Variants in THOC2 observed in about 807,000 individuals in gnomAD.
THOC2 encodes THO complex subunit 2.
In THOC2, 10 loss-of-function variants were observed where a neutral mutation model predicts 128.4. That is an observed-to-expected ratio of 0.08 (90% confidence interval 0.05 to 0.13). The LOEUF (loss-of-function observed/expected upper bound fraction) is 0.13, where lower values mean the gene tolerates loss of function less well. Ranked by LOEUF, THOC2 falls within the 10% of genes least tolerant of loss-of-function variation. The pLI is 1.00. For missense variants in THOC2, 535 were observed against 1,155.7 expected (o/e 0.46, Z 7.79); for synonymous variants, 393 against 396.9 (o/e 0.99, Z 0.12).
intron 12 of THOC2, among the ~76,000 whole-genome samples, chrX:123,653,246 C>T (rs751229686): frequency 4.6e-4 from 51 of 112,061 alleles, no homozygotes; most frequent in Non-Finnish European, 8.5e-4. Context: ...TGGACCCCTT[C>T]CTTACACCAT....
chrX:123,629,206 A>AACACACAC (rs754562050), intron 22 of THOC2, among the ~76,000 whole-genome samples: 6,985 of 81,831 alleles, frequency 0.085, 406 homozygotes, highest in East Asian at 0.35. Context: ...ATTATACATG[A>AACACACAC]ACACACACAC....
At chrX:123,725,509 G>A (rs1339685213) in intron 1 of THOC2, among the ~76,000 whole-genome samples, 1 of 105,482 alleles carries the variant, frequency 9.5e-6, no homozygotes, top group Admixed American at 1.0e-4. Flanking sequence ...GGGAGGTTGA[G>A]CTGGGAGGAT....
intron 12 of THOC2, among the ~76,000 whole-genome samples, chrX:123,663,548 A>AC (rs2048924417): frequency 9.1e-6 from 1 of 109,862 alleles, no homozygotes; most frequent in African/African-American, 3.3e-5. Flanking sequence ...TAAAAAAAAA[A>AC]AGCATAAATG....
At chrX:123,732,897 A>G in intron 1 of THOC2, 55 bp downstream of exon 1, 1 of 1,126,728 alleles carries the variant, frequency 8.9e-7, no homozygotes, top group East Asian at 3.0e-5. Context: ...GTGAGAGTGC[A>G]GCTGACGCCC....
intron 1 of THOC2, among the ~76,000 whole-genome samples, chrX:123,727,212 C>CA (rs1033980191): frequency 9.3e-6 from 1 of 107,879 alleles, no homozygotes; most frequent in Non-Finnish European, 1.9e-5. Context: ...GACCCTGTCT[C>CA]AAAAAAAACT....
intron 3 of THOC2, among the ~76,000 whole-genome samples, chrX:123,705,707 T>A (rs1392708605): frequency 2.7e-5 from 3 of 109,823 alleles, no homozygotes; most frequent in African/African-American, 9.9e-5. Context: ...TCCTTAAGAC[T>A]ATCCCTGGGA....
At chrX:123,623,026 G>T in intron 29 of THOC2, 79 bp downstream of exon 29, 1 of 1,013,212 alleles carries the variant, frequency 9.9e-7, no homozygotes, top group Non-Finnish European at 1.3e-6. Flanking sequence ...AGCCAGCATT[G>T]TACTCGTTCT....
Position 123,614,039 on chromosome X carries a change from A to G in THOC2, c.4449+13T>C. 1 of 1,195,141 alleles carries G rather than the reference A, an allele frequency of 8.4e-7. No individual in the cohort carries two copies. The highest frequency in any genetic ancestry group is 2.2e-5 in the Admixed American group (1 of 44,592). On this transcript the variant is annotated intron_variant, in intron 34 of 38. Transcript: ENST00000245838. ...TGAGCTTTCCAAACTAGTTTAAAAA[A>G]AATTTTACAAACCCTTTTCCGCTCT... is the stretch of plus-strand genomic sequence containing the variant.
At chrX:123,663,148 T>C (rs752944692) in intron 12 of THOC2, among the ~76,000 whole-genome samples, 4 of 111,692 alleles carry the variant, frequency 3.6e-5, no homozygotes, top group African/African-American at 9.8e-5. Context: ...TGCAGGAATA[T>C]TGAAAGCAGC....
Position 123,628,017 on chromosome X carries a change from T to C in THOC2, c.2482-49A>G, listed in dbSNP as rs149531907. The C allele has an allele frequency of 1.0e-2, 9,921 of 996,459 alleles. 45 individuals are homozygous for C. Among genetic ancestry groups the C allele is most frequent in the Non-Finnish European group, 0.012 (9,034 of 728,300 alleles). The allele number at this position is 996,459 out of a possible 1,213,427, so 82.1% of individuals were successfully genotyped here. A position where few individuals can be genotyped will look rare whatever the true frequency, so the allele number is the denominator to read the frequency against. ...ATACATACATACACACACAACATAATTTATAGCTTTGACTTTCATGGCATA... is the reference window on the plus strand; with the variant it reads ...ATACATACATACACACACAACATAACTTATAGCTTTGACTTTCATGGCATA... On this transcript the variant is annotated intron_variant, in intron 22 of 38. Transcript: ENST00000245838.
In THOC2 at chrX:123,667,183, G is replaced by A. The variant is rs2049082570; in HGVS notation, c.1113C>T (p.Tyr371=). ...CTATTAGCTTGTGTGAAGCTGCATA[G>A]TATGGAGGCATCTGATCCATAATGT... ...AQNIMDQMPP[Y]YAASHKLIAL... The change falls in exon 11 of 39, where the codon TAC becomes TAT. Residue 371 remains tyrosine, a synonymous_variant. Transcript: ENST00000245838. 3.3e-6 allele frequency: 4 copies of A among 1,205,092 alleles called. No individual in the cohort carries two copies. Among genetic ancestry groups the A allele is most frequent in the Non-Finnish European group, 4.5e-6 (4 of 889,897 alleles).
intron 1 of THOC2, among the ~76,000 whole-genome samples, chrX:123,717,837 A>T (rs762425541): frequency 8.9e-6 from 1 of 112,366 alleles, no homozygotes; most frequent in African/African-American, 3.2e-5. Flanking sequence ...CACACACCAA[A>T]TTCACAGATG....
chrX:123,684,917 A>G (rs1245238529), intron 8 of THOC2, among the ~76,000 whole-genome samples: 1 of 112,278 alleles, frequency 8.9e-6, no homozygotes, highest in African/African-American at 3.2e-5. Context: ...ACACTCCAAG[A>G]GTATAGAAAC....
Position 123,629,206 on chromosome X carries a change from A to AACACACACACACAC in THOC2, c.2482-1252_2482-1239dup, listed in dbSNP as rs754562050. Among the ~76,000 whole-genome samples, 360 of 81,951 alleles carry AACACACACACACAC rather than the reference A, an allele frequency of 4.4e-3. 5 individuals carry two copies. Among genetic ancestry groups the AACACACACACACAC allele is most frequent in the East Asian group, 0.011 (26 of 2,366 alleles). 71.2% of individuals were successfully genotyped at this position (81,951 alleles called of 115,157 possible). A position where few individuals can be genotyped will look rare whatever the true frequency, so the allele number is the denominator to read the frequency against. On this transcript the variant is annotated intron_variant, in intron 22 of 38. Transcript: ENST00000245838. ...TATATGAACATATATATTATACATG[A>AACACACACACACAC]ACACACACACACACACACACACACA...
intron 19 of THOC2, among the ~76,000 whole-genome samples, chrX:123,635,278 A>G (rs1352659761): frequency 8.9e-6 from 1 of 112,327 alleles, no homozygotes; most frequent in East Asian, 2.8e-4. Flanking sequence ...GACAAAGAAG[A>G]ATAAAAATAT....
intron 19 of THOC2, among the ~76,000 whole-genome samples, chrX:123,635,324 C>G (rs1332963234): frequency 1.8e-5 from 2 of 111,434 alleles, no homozygotes; most frequent in African/African-American, 6.5e-5. Flanking sequence ...AAGGGATGTG[C>G]CCATAAAATC....
Position 123,710,617 on chromosome X carries a change from G to A in THOC2, c.130+2233C>T, listed in dbSNP as rs1019039773. 6.3e-5 allele frequency among the ~76,000 whole-genome samples: 7 copies of A among 111,028 alleles called. No individual in the cohort carries two copies. In the East Asian group the frequency reaches 2.0e-3, roughly 32 times the overall value. On this transcript the variant is annotated intron_variant, in intron 2 of 38. Coordinates refer to ENST00000245838, the MANE Select transcript of THOC2 (RefSeq NM_001081550.2). Reference sequence around the variant, plus strand: ...GATAAACAAGAAAATAATTTGGGGGGTGGCAGGCTAGGAATGTTAACTCTT... The same window carrying A: ...GATAAACAAGAAAATAATTTGGGGGATGGCAGGCTAGGAATGTTAACTCTT...
intron 23 of THOC2, 38 bp downstream of exon 23, chrX:123,627,655 A>G: frequency 2.5e-6 from 3 of 1,181,052 alleles, no homozygotes; most frequent in Non-Finnish European, 3.4e-6. Context: ...TGAATACCAT[A>G]AAGTTATTGC....
intron 19 of THOC2, among the ~76,000 whole-genome samples, chrX:123,634,753 A>G (rs1301051465): frequency 9.0e-6 from 1 of 111,571 alleles, no homozygotes; most frequent in Non-Finnish European, 1.9e-5. Context: ...ATACACTTGG[A>G]AGCGAGGCAG....
Sources: allele counts gnomAD v4.1 joint callset (sites outside exome capture counted in the v4.1 genomes callset), GRCh38; gene constraint gnomAD v4.1.1; transcripts MANE v1.5; gene names NCBI Gene and HGNC (gene_info 2026-07-23, HGNC 2026-07-21).